The following KLHDC4 variants were observed in gnomAD, a reference collection of about 807,000 sequenced individuals.
The protein encoded by KLHDC4 is kelch domain-containing protein 4.
Under a neutral mutation model 62.4 loss-of-function variants are expected in KLHDC4, and 90 were observed. That is an observed-to-expected ratio of 1.44 (90% CI 1.22 to 1.72). The LOEUF is 1.72. Among genes scored for constraint, KLHDC4 ranks in the 40% most tolerant of loss-of-function variants. The pLI is 0.00. For missense variants in KLHDC4, 1,025 were observed against 699.7 expected, an observed-to-expected ratio of 1.47 and a Z score of -5.25; for synonymous variants, 386 against 284.4, an observed-to-expected ratio of 1.36 and a Z score of -3.59.
chr16:87,708,233 C>A (rs1478533754), intron 11 of KLHDC4, 117 bp downstream of exon 11: 6 of 707,802 alleles, frequency 8.5e-6, no homozygotes, highest in Non-Finnish European at 9.3e-6. Context: ...AATTACTCCA[C>A]ACACCAACGT....
intron 5 of KLHDC4, among the ~76,000 whole-genome samples, chr16:87,738,431 T>C (rs2041719158): frequency 6.6e-6 from 1 of 152,054 alleles, no homozygotes; most frequent in African/African-American, 2.4e-5. Context: ...AGTGCTCCGG[T>C]GCATACAAAG....
intron 4 of KLHDC4, among the ~76,000 whole-genome samples, chr16:87,752,170 G>A (rs2143195022): frequency 6.8e-6 from 1 of 147,604 alleles, no homozygotes; most frequent in South Asian, 2.2e-4. Context: ...TCTCAGGGAA[G>A]CAGAGGCAGG....
At chr16:87,732,107 T>C (rs112980226) in intron 5 of KLHDC4, among the ~76,000 whole-genome samples, 1 of 135,682 alleles carries the variant, frequency 7.4e-6, no homozygotes, top group Non-Finnish European at 1.5e-5. Flanking sequence ...CTTTTTTTTT[T>C]TTTTTTTTGA....
intron 1 of KLHDC4, among the ~76,000 whole-genome samples, chr16:87,765,554 C>A (rs1172389101): frequency 1.3e-5 from 2 of 152,092 alleles, no homozygotes; most frequent in Non-Finnish European, 2.9e-5. Context: ...CTAAGAAAAG[C>A]AAGCACGTTA....
chr16:87,758,411 G>C (rs111649319), intron 2 of KLHDC4, among the ~76,000 whole-genome samples: 1 of 152,192 alleles, frequency 6.6e-6, no homozygotes, highest in East Asian at 1.9e-4. Context: ...CCACAGAACT[G>C]ATGAACTTGG....
In KLHDC4 at chr16:87,709,750, G is replaced by A. The variant is rs1340124358; in HGVS notation, c.1045-83C>T. 6.3e-6 allele frequency: 9 copies of A among 1,427,558 alleles called. No individual in the cohort carries two copies. In the South Asian group the frequency reaches 1.3e-4, roughly 20 times the overall value. 88.4% of individuals were successfully genotyped at this position (1,427,558 alleles called of 1,614,324 possible). A position where few individuals can be genotyped will look rare whatever the true frequency, so the allele number is the denominator to read the frequency against. On this transcript the variant is annotated intron_variant, in intron 9 of 11. Transcript: ENST00000270583. Reference sequence around the variant, plus strand: ...TGCTATGCCCACAAGGCCAGGCAAGGGTTTGCGGGGACCACCCACAAGCGT... The same window carrying A: ...TGCTATGCCCACAAGGCCAGGCAAGAGTTTGCGGGGACCACCCACAAGCGT...
At chr16:87,744,412 T>C (rs1339712307) in intron 5 of KLHDC4, among the ~76,000 whole-genome samples, 4 of 120,748 alleles carry the variant, frequency 3.3e-5, no homozygotes, top group South Asian at 3.2e-4. Flanking sequence ...TGAGACTCCG[T>C]CTCCAAAAAA....
exon 1 of KLHDC4, chr16:87,700,445 C>G (rs904317599): frequency 6.3e-6 from 1 of 158,324 alleles, no homozygotes; most frequent in Admixed American, 6.7e-5. Flanking sequence ...ACCAAGACCC[C>G]GATTCCAGAT....
chr16:87,764,826 C>T lies in KLHDC4; in HGVS notation c.99+966G>A, dbSNP rs543954826. Among the ~76,000 whole-genome samples the T allele has an allele frequency of 5.8e-5, 6 of 103,612 alleles. No individual in the cohort carries two copies. The East Asian group carries it at 1.6e-3, about 27-fold the overall frequency. The allele number at this position is 103,612 out of a possible 152,430, so 68.0% of individuals were successfully genotyped here. On this transcript the variant is annotated intron_variant, in intron 1 of 11. Coordinates refer to ENST00000270583, the MANE Select transcript of KLHDC4 (RefSeq NM_017566.4). Reference sequence around the variant, plus strand: ...CCAGCCTAGGTGACAGAGCAAGACTCTGTCAAAAAAAAAAAAAAAAAAAAG... The same window carrying T: ...CCAGCCTAGGTGACAGAGCAAGACTTTGTCAAAAAAAAAAAAAAAAAAAAG...
intron 7 of KLHDC4, among the ~76,000 whole-genome samples, chr16:87,721,620 G>A (rs953779925): frequency 6.6e-6 from 1 of 152,094 alleles, no homozygotes; most frequent in African/African-American, 2.4e-5. Context: ...GAGGTCAGCC[G>A]GGATCTCCCA....
chr16:87,726,900 C>A lies in KLHDC4; in HGVS notation c.624G>T (p.Val208=), dbSNP rs756120600. Reference sequence around the variant, plus strand: ...TGAAGGTGTCCAGATTAAAGGCATACACGTCGTTGTAGTAGATGTAATCCC... The same window carrying A: ...TGAAGGTGTCCAGATTAAAGGCATAAACGTCGTTGTAGTAGATGTAATCCC... ...STRDYIYYND[V]YAFNLDTFTW... The change falls in exon 7 of 12, where the codon GTG becomes GTT. Residue 208 remains valine (V), a synonymous_variant. Coordinates refer to ENST00000270583, the MANE Select transcript of KLHDC4 (RefSeq NM_017566.4). The A allele has an allele frequency of 5.0e-6, 8 of 1,614,010 alleles. No homozygotes were observed. Among genetic ancestry groups the A allele is most frequent in the Non-Finnish European group, 6.8e-6 (8 of 1,179,952 alleles).
intron 2 of KLHDC4, among the ~76,000 whole-genome samples, chr16:87,760,077 G>A (rs1409321295): frequency 6.6e-6 from 1 of 151,978 alleles, no homozygotes; most frequent in Non-Finnish European, 1.5e-5. Context: ...AGATATTAAG[G>A]TTACCAAGCA....
At chr16:87,746,664 G>C (rs2043085882) in intron 5 of KLHDC4, among the ~76,000 whole-genome samples, 1 of 152,186 alleles carries the variant, frequency 6.6e-6, no homozygotes, top group Non-Finnish European at 1.5e-5. Flanking sequence ...ACCAGAGACA[G>C]ATGCCTCCAC....
rs140736367 is a variant in KLHDC4, at chr16:87,758,945, G to T, written c.192-2468C>A. Among the ~76,000 whole-genome samples the T allele has an allele frequency of 1.2e-3, 188 of 152,304 alleles. 1 individual carries two copies. The highest frequency in any genetic ancestry group is 4.4e-3 in the African/African-American group (182 of 41,564). The stretch of plus-strand genomic sequence containing the variant: ...AATCCCAGCACTTTCGGAGGCCGAG[G>T]CGGGCGGATCACCTGAGGTGGGGAG... On this transcript the variant is annotated intron_variant, in intron 2 of 11. Transcript: ENST00000270583.
intron 4 of KLHDC4, among the ~76,000 whole-genome samples, chr16:87,754,746 G>C (rs58656260): frequency 0.23 from 35,586 of 152,020 alleles, 4,245 homozygotes; most frequent in East Asian, 0.35. Context: ...TGCTCTCCTG[G>C]GTAGGAAACC....
At chr16:87,709,090 C>G (rs2035248105) in intron 10 of KLHDC4, among the ~76,000 whole-genome samples, 175 bp downstream of exon 10, 1 of 152,278 alleles carries the variant, frequency 6.6e-6, no homozygotes, top group Non-Finnish European at 1.5e-5. Context: ...GTGGGCCCCC[C>G]TTTCCACAAC....
chr16:87,747,040 T>C (rs1288608906), intron 5 of KLHDC4, among the ~76,000 whole-genome samples: 1 of 152,102 alleles, frequency 6.6e-6, no homozygotes, highest in Non-Finnish European at 1.5e-5. Context: ...CCAGGGCCAC[T>C]CCCAAAGTGA....
At chr16:87,708,263 C>G (rs1567644020) in intron 11 of KLHDC4, 87 bp downstream of exon 11, 1 of 942,434 alleles carries the variant, frequency 1.1e-6, no homozygotes, top group East Asian at 2.6e-5. Flanking sequence ...ATTTACAAAG[C>G]TGAATTCCAA....
chr16:87,765,937 C>T lies in KLHDC4; in HGVS notation c.-47G>A, dbSNP rs748436664. The T allele has an allele frequency of 1.3e-6, 2 of 1,521,028 alleles. No homozygotes were observed. Among genetic ancestry groups the T allele is most frequent in the Middle Eastern group, 1.7e-4 (1 of 5,960 alleles). The allele number at this position is 1,521,028 out of a possible 1,614,324, so 94.2% of individuals were successfully genotyped here. A position where few individuals can be genotyped will look rare whatever the true frequency, so the allele number is the denominator to read the frequency against. ...ACGGGACACCAGGAAAGAAAACGGC[C>T]CGCGCTCTCCGCTCGGAAACAGGTG... is the stretch of plus-strand genomic sequence containing the variant. On this transcript the variant is annotated 5_prime_UTR_variant, in exon 1 of 12. Coordinates refer to ENST00000270583, the MANE Select transcript of KLHDC4 (RefSeq NM_017566.4).
Sources: allele counts gnomAD v4.1 joint callset (sites outside exome capture counted in the v4.1 genomes callset), GRCh38; gene constraint gnomAD v4.1.1; transcripts MANE v1.5; gene names NCBI Gene and HGNC (gene_info 2026-07-23, HGNC 2026-07-21).